The following CEP112 variants were observed in gnomAD, a reference collection of about 807,000 sequenced individuals.
CEP112 encodes the protein centrosomal protein 112.
CEP112 carries 127 observed loss-of-function variants against 153.0 expected under a neutral mutation model. The ratio of observed to expected loss-of-function variants is 0.83; its 90% CI spans 0.72 to 0.96. CEP112 has a LOEUF of 0.96. Among genes scored for constraint, CEP112 ranks in the 40% least tolerant of loss-of-function variants. CEP112 has a pLI of 0.00. For synonymous variants in CEP112, 358 were observed against 374.4 expected (o/e 0.96, Z 0.51); for missense variants, 1,089 against 1,101.2 (o/e 0.99, Z 0.16).
intron 20 of CEP112, among the ~76,000 whole-genome samples, chr17:65,879,704 T>C (rs1425980865): frequency 1.3e-5 from 2 of 152,106 alleles, no homozygotes; most frequent in East Asian, 1.9e-4. Context: ...ATTTATTATA[T>C]TTATTAAATG....
Position 66,130,586 on chromosome 17 carries a change from T to C in CEP112, c.565-763A>G, listed in dbSNP as rs2070097828. Among the ~76,000 whole-genome samples the C allele has an allele frequency of 3.9e-5, 6 of 152,040 alleles. 1 individual carries two copies. The Middle Eastern group carries it at 0.014, about 345-fold the overall frequency. On this transcript the variant is annotated intron_variant, in intron 5 of 26. Transcript: ENST00000535342. ...GTCAGGAGATCAAGACCATCCTGGC[T>C]AACAGGCTGAAACCCTGTCTCTACT...
chr17:65,806,746 GT>G (rs2055627862), intron 21 of CEP112, among the ~76,000 whole-genome samples: 1 of 152,176 alleles, frequency 6.6e-6, no homozygotes, highest in Admixed American at 6.5e-5. Flanking sequence ...ATGATTGTAA[GT>G]TTCCTGGGGC....
At chr17:65,740,564 G>C (rs920077478) in intron 23 of CEP112, among the ~76,000 whole-genome samples, 82 of 152,298 alleles carry the variant, frequency 5.4e-4, no homozygotes, top group African/African-American at 1.8e-3. Flanking sequence ...TGATTTATCT[G>C]AGGAAGCATT....
chr17:66,019,142 T>C (rs990973013), intron 16 of CEP112, among the ~76,000 whole-genome samples: 6 of 152,230 alleles, frequency 3.9e-5, no homozygotes, highest in African/African-American at 1.4e-4. Context: ...CATCTGATGC[T>C]GTTTCTTTTA....
intron 4 of CEP112, among the ~76,000 whole-genome samples, chr17:66,172,771 T>C (rs1352826777): frequency 6.6e-6 from 1 of 152,220 alleles, no homozygotes; most frequent in Admixed American, 6.6e-5. Flanking sequence ...GCATAGCCAC[T>C]GCACTGAAAC....
At position 66,005,724 on chromosome 17, in the gene CEP112, G is replaced by T; in HGVS notation, c.1702C>A (p.Gln568Lys). ...SELDKGKEDT[Q>K]KKIHKFEEAL... ...TCCTCAAATTTATGAATTTTCTTTT[G>T]AGTATCTTCTTTTCCTTTATCAAGT... Residue 568 changes from glutamine to lysine, a missense_variant, in exon 17 of 27, where the codon CAA becomes AAA. By Grantham distance (53) the Gln-to-Lys change is moderately conservative. Transcript: ENST00000535342. 6.2e-7 allele frequency: 1 copy of T among 1,609,384 alleles called. No homozygotes were observed. The highest frequency in any genetic ancestry group is 1.1e-5 in the South Asian group (1 of 90,304).
chr17:65,748,172 T>TAA (rs1218476818), intron 22 of CEP112, among the ~76,000 whole-genome samples: 3 of 152,352 alleles, frequency 2.0e-5, no homozygotes, highest in African/African-American at 7.2e-5. Context: ...AGTTCACAGA[T>TAA]ATAAATATTT....
intron 23 of CEP112, among the ~76,000 whole-genome samples, chr17:65,704,405 G>A (rs2048804230): frequency 7.1e-6 from 1 of 141,820 alleles, no homozygotes; most frequent in South Asian, 2.2e-4. Flanking sequence ...ATTTTCTCTT[G>A]TAAAACGTGT....
chr17:66,013,215 C>T (rs951972655), intron 16 of CEP112, among the ~76,000 whole-genome samples: 6 of 152,138 alleles, frequency 3.9e-5, no homozygotes, highest in African/African-American at 9.7e-5. Context: ...CTAAATTCTA[C>T]TTCTACCATT....
chr17:65,899,412 A>T (rs1473424728), intron 20 of CEP112, among the ~76,000 whole-genome samples: 1 of 152,136 alleles, frequency 6.6e-6, no homozygotes, highest in Non-Finnish European at 1.5e-5. Flanking sequence ...ATAATTACCT[A>T]ACTGAACCAA....
intron 22 of CEP112, among the ~76,000 whole-genome samples, chr17:65,747,655 A>AT (rs1390153359): frequency 2.0e-5 from 3 of 152,186 alleles, no homozygotes; most frequent in Admixed American, 6.5e-5. Context: ...TTTTCTTAAG[A>AT]TAAAAAAAAA....
At chr17:65,920,938 G>T (rs1430599075) in intron 19 of CEP112, among the ~76,000 whole-genome samples, 2 of 151,884 alleles carry the variant, frequency 1.3e-5, no homozygotes, top group African/African-American at 2.4e-5. Context: ...ATTCCAGCCA[G>T]CTTAAAGCTG....
intron 23 of CEP112, among the ~76,000 whole-genome samples, chr17:65,713,399 C>G (rs1400859537): frequency 6.6e-6 from 1 of 152,110 alleles, no homozygotes; most frequent in Admixed American, 6.5e-5. Context: ...CTAATGAAAA[C>G]CTATACTGTC....
rs368676308 is a variant in CEP112, at chr17:65,852,009, A to C, written c.2189T>G (p.Val730Gly). The C allele has an allele frequency of 1.2e-6, 2 of 1,611,088 alleles. No homozygotes were observed. Among genetic ancestry groups the C allele is most frequent in the African/African-American group, 2.7e-5 (2 of 74,768 alleles). The change falls in exon 21 of 27, where the codon GTT (valine) becomes GGT (glycine). Residue 730 changes from valine to glycine, a missense_variant. Physicochemically the swap from Val to Gly is moderately radical, Grantham distance 109 (BLOSUM62 -3). Transcript: ENST00000535342. ...AQVIADMEAQ[V>G]HKLREELINV... is the part of the protein sequence containing the mutation. ...GATCAATTCTTCTCTCAACTTGTGA[A>C]CCTGGGCCTCCATGTCGGCAATAAC...
chr17:66,189,789 G>C (rs1461185296), intron 1 of CEP112, among the ~76,000 whole-genome samples: 1 of 152,060 alleles, frequency 6.6e-6, no homozygotes, highest in East Asian at 1.9e-4. Flanking sequence ...CAAACACTTC[G>C]GGAGGCCAAG....
chr17:65,764,716 C>T (rs1415010774), intron 21 of CEP112, among the ~76,000 whole-genome samples: 7 of 151,678 alleles, frequency 4.6e-5, no homozygotes, highest in Non-Finnish European at 8.8e-5. Context: ...ATTTTTTATT[C>T]ATTAAACTAC....
rs372732609 is a variant in CEP112, at chr17:65,842,022, T to C, written c.2394+9782A>G. Among the ~76,000 whole-genome samples the C allele has an allele frequency of 1.1e-3, 161 of 152,184 alleles. 1 individual carries two copies. The Middle Eastern group carries it at 0.02, about 19-fold the overall frequency. On this transcript the variant is annotated intron_variant, in intron 21 of 26. Transcript: ENST00000535342. ...TGATAGCAAATAAGGTCTTCTACTT[T>C]CAATAACTTCCCAAGTCGAGTCACT...
At chr17:65,784,083 G>A (rs2054141680) in intron 21 of CEP112, among the ~76,000 whole-genome samples, 1 of 152,264 alleles carries the variant, frequency 6.6e-6, no homozygotes, top group Non-Finnish European at 1.5e-5. Context: ...AGAGTAGTGA[G>A]TCAGCACTGG....
chr17:65,875,320 G>C (rs1231527620), intron 20 of CEP112, among the ~76,000 whole-genome samples: 1 of 152,034 alleles, frequency 6.6e-6, no homozygotes, highest in East Asian at 1.9e-4. Flanking sequence ...CTGAATGTTT[G>C]TTTTAATTTA....
Sources: gnomAD v4.1 joint callset for allele counts (sites outside exome capture counted in the v4.1 genomes callset) on GRCh38, gnomAD v4.1.1 for gene constraint, MANE v1.5 for transcripts, NCBI Gene and HGNC (gene_info 2026-07-23, HGNC 2026-07-21) for gene names.